The following ZNF831 variants were observed in gnomAD, a reference collection of about 807,000 sequenced individuals.
The protein encoded by ZNF831 is chromosome 20 open reading frame 174.
ZNF831 carries 59 observed loss-of-function variants against 95.8 expected under a neutral mutation model. The observed-to-expected ratio is 0.62, with a 90% CI of 0.50 to 0.77. ZNF831 has a LOEUF of 0.77. Among genes scored for constraint, ZNF831 ranks in the 30% least tolerant of loss-of-function variants. ZNF831 has a pLI of 0.00. For synonymous variants in ZNF831, 961 were observed against 925.5 expected (o/e 1.04, Z -0.70); for missense variants, 2,205 against 2,164.0 (o/e 1.02, Z -0.38).
intron 4 of ZNF831, among the ~76,000 whole-genome samples, chr20:59,234,918 AT>A (rs1986917896): frequency 6.6e-6 from 1 of 152,184 alleles, no homozygotes; most frequent in South Asian, 2.1e-4. Flanking sequence ...CCCATTAACT[AT>A]TGACCCATTA....
At chr20:59,181,089 T>C (rs1982580582) in intron 1 of ZNF831, among the ~76,000 whole-genome samples, 1 of 152,268 alleles carries the variant, frequency 6.6e-6, no homozygotes, top group South Asian at 2.1e-4. Context: ...AGATGGTATC[T>C]CATTGTGGTT....
chr20:59,186,942 G>GA lies in ZNF831; in HGVS notation c.-36-4028dup, dbSNP rs79609582. Among the ~76,000 whole-genome samples the GA allele has an allele frequency of 5.7e-3, 765 of 133,776 alleles. 9 individuals carry two copies. Among genetic ancestry groups the GA allele is most frequent in the African/African-American group, 0.014 (495 of 36,398 alleles). 87.8% of individuals were successfully genotyped at this position (133,776 alleles called of 152,430 possible). The stretch of plus-strand genomic sequence containing the variant: ...AAATGTTGAGACTGGCTTTCAGGAT[G>GA]AAAAAAAAAAAAAAGGACTGACTTG... On this transcript the variant is annotated intron_variant, in intron 1 of 5. Coordinates refer to ENST00000371030, the MANE Select transcript of ZNF831 (RefSeq NM_178457.3).
intron 4 of ZNF831, among the ~76,000 whole-genome samples, chr20:59,246,091 C>G (rs1030719517): frequency 4.1e-4 from 63 of 152,144 alleles, no homozygotes; most frequent in Non-Finnish European, 1.6e-4. Context: ...GCTCACCTCT[C>G]CCTCCGCAGT....
intron 4 of ZNF831, among the ~76,000 whole-genome samples, chr20:59,242,423 A>G (rs187223889): frequency 1.1e-4 from 17 of 152,290 alleles, no homozygotes; most frequent in East Asian, 1.9e-4. Flanking sequence ...TTCAGAAGGT[A>G]TTTTCACTAA....
rs1211268703 is a variant in ZNF831 at position 59,164,073 on chromosome 20, C to A, written c.-171C>A. Among the ~76,000 whole-genome samples, 1 of 152,138 alleles carries A rather than the reference C, an allele frequency of 6.6e-6. No homozygotes were observed. Among genetic ancestry groups the A allele is most frequent in the South Asian group, 2.1e-4 (1 of 4,824 alleles). On this transcript the variant is annotated 5_prime_UTR_variant, in exon 1 of 6. Coordinates refer to ENST00000371030, the MANE Select transcript of ZNF831 (RefSeq NM_178457.3). ...TCCCTACAGAGAGTGAGAGCACGGG[C>A]TCTTGAGCTCATCTCTTCTCTGTGG...
intron 4 of ZNF831, among the ~76,000 whole-genome samples, chr20:59,240,018 G>A (rs1339593391): frequency 6.6e-6 from 1 of 152,148 alleles, no homozygotes; most frequent in Non-Finnish European, 1.5e-5. Context: ...ACCCCCAGGG[G>A]AGGATTCAGG....
chr20:59,176,636 C>T (rs767306668), intron 1 of ZNF831, among the ~76,000 whole-genome samples: 3 of 152,148 alleles, frequency 2.0e-5, no homozygotes, highest in Admixed American at 6.5e-5. Context: ...CGCTTTAGTG[C>T]GTACATTATG....
At chr20:59,148,956 C>T (rs759876434) in intron 2 of ZNF831, among the ~76,000 whole-genome samples, 16 of 152,270 alleles carry the variant, frequency 1.1e-4, no homozygotes, top group African/African-American at 3.4e-4. Flanking sequence ...GCAGTTGCAG[C>T]GTTCTGGGCT....
chr20:59,157,871 A>G (rs2095926352), intron 2 of ZNF831, among the ~76,000 whole-genome samples: 2 of 152,160 alleles, frequency 1.3e-5, no homozygotes, highest in Non-Finnish European at 2.9e-5. Context: ...AACAAATAAG[A>G]AAGCAAACTC....
chr20:59,211,223 CA>C (rs923099117), intron 4 of ZNF831, among the ~76,000 whole-genome samples: 3 of 152,188 alleles, frequency 2.0e-5, no homozygotes, highest in African/African-American at 7.2e-5. Flanking sequence ...GGAATGGTGA[CA>C]AATATCTATG....
At chr20:59,242,218 C>A (rs759204262) in intron 4 of ZNF831, among the ~76,000 whole-genome samples, 9 of 152,142 alleles carry the variant, frequency 5.9e-5, no homozygotes, top group African/African-American at 2.2e-4. Context: ...TCTTTCTTCC[C>A]AGCTATTATT....
chr20:59,218,228 C>A (rs761553358), intron 4 of ZNF831, among the ~76,000 whole-genome samples: 1 of 152,164 alleles, frequency 6.6e-6, no homozygotes, highest in Non-Finnish European at 1.5e-5. Flanking sequence ...TCCAGACTCC[C>A]GGGATAAAAT....
At chr20:59,152,043 G>A (rs1980277733) in intron 2 of ZNF831, among the ~76,000 whole-genome samples, 1 of 152,198 alleles carries the variant, frequency 6.6e-6, no homozygotes, top group Non-Finnish European at 1.5e-5. Context: ...CATCTGTTAA[G>A]TAATATTTGT....
chr20:59,213,308 G>A (rs930914671), intron 4 of ZNF831, among the ~76,000 whole-genome samples: 11 of 152,036 alleles, frequency 7.2e-5, no homozygotes, highest in African/African-American at 1.7e-4. Flanking sequence ...TTATTTTATC[G>A]TTGTGGGCAT....
At chr20:59,206,762 G>C (rs1984921269) in intron 3 of ZNF831, 143 bp from the exon 4 acceptor site, 1 of 827,374 alleles carries the variant, frequency 1.2e-6, no homozygotes, top group East Asian at 2.5e-5. Context: ...GAGGTATGGA[G>C]GGATCAGGAG....
chr20:59,253,178 G>A, intron 5 of ZNF831, 40 bp downstream of exon 5: 2 of 1,608,744 alleles, frequency 1.2e-6, no homozygotes, highest in Non-Finnish European at 1.7e-6. Flanking sequence ...CCTATTCCTG[G>A]TCTAGATGTA....
chr20:59,253,862 CCCCCCA>C, intron 5 of ZNF831, 30 bp from the exon 6 acceptor site: 1 of 1,070,942 alleles, frequency 9.3e-7, no homozygotes, highest in Non-Finnish European at 1.3e-6. Context: ...ATTAACCTCC[CCCCCCA>C]CTTTTTTTTT....
chr20:59,173,155 G>A (rs1395070760), intron 1 of ZNF831, among the ~76,000 whole-genome samples: 1 of 152,138 alleles, frequency 6.6e-6, no homozygotes, highest in African/African-American at 2.4e-5. Context: ...AGAATGACCT[G>A]GAGGTCAATG....
At chr20:59,201,003 G>A (rs1248855793) in intron 3 of ZNF831, among the ~76,000 whole-genome samples, 2 of 152,124 alleles carry the variant, frequency 1.3e-5, no homozygotes, top group African/African-American at 2.4e-5. Context: ...ATACCTAGAG[G>A]TGAAAAGCCT....
Sources: allele counts gnomAD v4.1 joint callset (sites outside exome capture counted in the v4.1 genomes callset), GRCh38; gene constraint gnomAD v4.1.1; transcripts MANE v1.5; gene names NCBI Gene and HGNC (gene_info 2026-07-23, HGNC 2026-07-21).